SLC8A1: variants seen among roughly 807,000 people sequenced by gnomAD.
SLC8A1 encodes the protein sodium/calcium exchanger 1.
Under a neutral mutation model 68.3 loss-of-function variants are expected in SLC8A1, and 18 were observed. The ratio of observed to expected loss-of-function variants is 0.26; its 90% CI spans 0.18 to 0.39. The LOEUF is 0.39. Ranked by LOEUF, SLC8A1 falls within the 10% of genes least tolerant of loss-of-function variation. The pLI is 1.00. For synonymous variants in SLC8A1, 475 were observed against 415.5 expected (o/e 1.14, Z -1.74); for missense variants, 985 against 1,156.7 (o/e 0.85, Z 2.15).
intron 3 of SLC8A1, among the ~76,000 whole-genome samples, chr2:40,175,572 G>A (rs1395833291): frequency 1.3e-5 from 2 of 151,924 alleles, no homozygotes; most frequent in African/African-American, 4.8e-5. Flanking sequence ...ATAAGACATT[G>A]CTAGTATATA....
chr2:40,437,645 T>G (rs574512983), intron 1 of SLC8A1, among the ~76,000 whole-genome samples: 2 of 152,232 alleles, frequency 1.3e-5, no homozygotes, highest in African/African-American at 4.8e-5. Context: ...GGTTAACACT[T>G]TGCTCTAATA....
At chr2:40,195,074 C>G (rs1287787616) in intron 2 of SLC8A1, among the ~76,000 whole-genome samples, 2 of 152,134 alleles carry the variant, frequency 1.3e-5, no homozygotes, top group African/African-American at 2.4e-5. Flanking sequence ...CTGTCATTAT[C>G]TGTTCTCCAA....
intron 2 of SLC8A1, among the ~76,000 whole-genome samples, chr2:40,281,268 G>A (rs563386947): frequency 1.3e-5 from 2 of 152,198 alleles, no homozygotes; most frequent in African/African-American, 4.8e-5. Context: ...AGGGTTGGGG[G>A]GGTGCTCTGA....
chr2:40,305,155 G>A (rs1464279242), intron 2 of SLC8A1, among the ~76,000 whole-genome samples: 1 of 152,164 alleles, frequency 6.6e-6, no homozygotes, highest in African/African-American at 2.4e-5. Flanking sequence ...ATCTTTGCTG[G>A]CCTGCAATTT....
At chr2:40,483,547 G>T (rs902645418) in intron 1 of SLC8A1, among the ~76,000 whole-genome samples, 11 of 152,168 alleles carry the variant, frequency 7.2e-5, no homozygotes, top group African/African-American at 2.7e-4. Context: ...AACTAACAGA[G>T]ACTGCTAATT....
intron 2 of SLC8A1, among the ~76,000 whole-genome samples, chr2:40,266,378 C>G (rs1305600124): frequency 6.6e-6 from 1 of 152,040 alleles, no homozygotes; most frequent in East Asian, 1.9e-4. Flanking sequence ...TAGTTTAGGG[C>G]CCACAATAAT....
At chr2:40,354,472 G>A (rs1392007789) in intron 2 of SLC8A1, among the ~76,000 whole-genome samples, 2 of 152,152 alleles carry the variant, frequency 1.3e-5, no homozygotes, top group African/African-American at 4.8e-5. Context: ...AAATGGGGGT[G>A]GTTGTGGCAT....
chr2:40,416,499 A>T (rs1009439189), intron 2 of SLC8A1, among the ~76,000 whole-genome samples: 1 of 152,050 alleles, frequency 6.6e-6, no homozygotes, highest in Non-Finnish European at 1.5e-5. Flanking sequence ...TTTACTCTAA[A>T]TCTTATTCAG....
chr2:40,358,587 A>T (rs1673499651), intron 2 of SLC8A1, among the ~76,000 whole-genome samples: 1 of 152,152 alleles, frequency 6.6e-6, no homozygotes, highest in Admixed American at 6.5e-5. Context: ...TGAACTGAGG[A>T]TCAATTAAAT....
At chr2:40,286,973 G>T (rs1031738643) in intron 2 of SLC8A1, among the ~76,000 whole-genome samples, 2 of 152,158 alleles carry the variant, frequency 1.3e-5, no homozygotes, top group South Asian at 4.1e-4. Context: ...TTTGAGACAT[G>T]GAGTTAGGCT....
At chr2:40,181,008 G>A (rs1030816113) in intron 2 of SLC8A1, among the ~76,000 whole-genome samples, 1 of 152,068 alleles carries the variant, frequency 6.6e-6, no homozygotes, top group Non-Finnish European at 1.5e-5. Flanking sequence ...TGCCCAGGCT[G>A]GAGTGCAGTG....
At chr2:40,404,482 A>T (rs1487149003) in intron 2 of SLC8A1, among the ~76,000 whole-genome samples, 3 of 152,210 alleles carry the variant, frequency 2.0e-5, no homozygotes, top group Non-Finnish European at 4.4e-5. Flanking sequence ...GTTTTATGCA[A>T]CAGCTATCAA....
chr2:40,371,296 T>C (rs1475067263), intron 2 of SLC8A1, among the ~76,000 whole-genome samples: 1 of 152,106 alleles, frequency 6.6e-6, no homozygotes, highest in Non-Finnish European at 1.5e-5. Context: ...CCCTTCATTG[T>C]TGCCTTTCAA....
At chr2:40,414,863 TTAAA>T (rs1254700237) in intron 2 of SLC8A1, among the ~76,000 whole-genome samples, 5 of 152,148 alleles carry the variant, frequency 3.3e-5, no homozygotes, top group Non-Finnish European at 5.9e-5. Context: ...ATACTATTGG[TTAAA>T]TAAAGAAGAC....
At chr2:40,510,903 C>G (rs1234995431) in intron 1 of SLC8A1, among the ~76,000 whole-genome samples, 1 of 152,134 alleles carries the variant, frequency 6.6e-6, no homozygotes, top group Non-Finnish European at 1.5e-5. Context: ...CACATTTCCT[C>G]TTTCTCTGCC....
intron 2 of SLC8A1, among the ~76,000 whole-genome samples, chr2:40,196,942 TCA>T (rs2053163534): frequency 6.6e-6 from 1 of 152,068 alleles, no homozygotes; most frequent in South Asian, 2.1e-4. Flanking sequence ...ATTTATTATC[TCA>T]CAGAATTACT....
At chr2:40,421,993 A>G (rs1695636722) in intron 2 of SLC8A1, among the ~76,000 whole-genome samples, 3 of 152,168 alleles carry the variant, frequency 2.0e-5, no homozygotes, top group Admixed American at 6.6e-5. Flanking sequence ...ACTTCCCACC[A>G]GAAATCCAGG....
chr2:40,486,736 A>G (rs1284472009), intron 1 of SLC8A1, among the ~76,000 whole-genome samples: 2 of 149,758 alleles, frequency 1.3e-5, no homozygotes, highest in East Asian at 2.0e-4. Context: ...TTTTTTTATT[A>G]TTATACTTTA....
At chr2:40,163,831 C>G (rs1387635579) in intron 5 of SLC8A1, among the ~76,000 whole-genome samples, 1 of 152,188 alleles carries the variant, frequency 6.6e-6, no homozygotes, top group East Asian at 1.9e-4. Flanking sequence ...TGTCTCCTAT[C>G]AGGCACCTCC....
Sources: allele counts gnomAD v4.1 joint callset (sites outside exome capture counted in the v4.1 genomes callset), GRCh38; gene constraint gnomAD v4.1.1; transcripts MANE v1.5; gene names NCBI Gene and HGNC (gene_info 2026-07-23, HGNC 2026-07-21).